Variants in WWOX observed in about 807,000 individuals in gnomAD.
WWOX encodes the protein WW domain containing oxidoreductase.
In WWOX, 69 loss-of-function variants were observed where a neutral mutation model predicts 46.2. That is an observed-to-expected ratio of 1.49 (90% confidence interval 1.23 to 1.82). The LOEUF is 1.82. Among genes scored for constraint, WWOX ranks in the 40% most tolerant of loss-of-function variants. The pLI, the probability that WWOX is intolerant of heterozygous loss-of-function variation, is 0.00. For synonymous variants in WWOX, 359 were observed against 202.6 expected (o/e 1.77, Z -6.56); for missense variants, 919 against 542.6 (o/e 1.69, Z -6.89).
At chr16:78,855,871 A>G (rs894983471) in intron 8 of WWOX, among the ~76,000 whole-genome samples, 1 of 152,168 alleles carries the variant, frequency 6.6e-6, no homozygotes, top group Admixed American at 6.5e-5. Context: ...TCCAGGGAAA[A>G]TTGAGGCCCA....
chr16:78,784,370 A>G (rs1567557454), intron 8 of WWOX, among the ~76,000 whole-genome samples: 2 of 152,128 alleles, frequency 1.3e-5, no homozygotes, highest in Non-Finnish European at 2.9e-5. Context: ...GTATCTGAAG[A>G]CTAAAGAATC....
chr16:78,453,073 G>C (rs2083730717), intron 8 of WWOX, among the ~76,000 whole-genome samples: 1 of 151,904 alleles, frequency 6.6e-6, no homozygotes, highest in Non-Finnish European at 1.5e-5. Flanking sequence ...GTGAAGACGG[G>C]TTTCATCATG....
At chr16:78,720,432 A>G (rs2048662133) in intron 8 of WWOX, among the ~76,000 whole-genome samples, 1 of 150,792 alleles carries the variant, frequency 6.6e-6, no homozygotes, top group Non-Finnish European at 1.5e-5. Flanking sequence ...ACATCATTTT[A>G]TATTTTGAAA....
intron 8 of WWOX, among the ~76,000 whole-genome samples, chr16:78,872,047 C>T (rs934225501): frequency 1.3e-5 from 2 of 152,226 alleles, no homozygotes; most frequent in East Asian, 1.9e-4. Context: ...CACAAAATTT[C>T]TGTCAACCCT....
At chr16:78,928,340 C>A (rs934959609) in intron 8 of WWOX, among the ~76,000 whole-genome samples, 1 of 151,346 alleles carries the variant, frequency 6.6e-6, no homozygotes, top group Non-Finnish European at 1.5e-5. Flanking sequence ...GTAGCTGGGA[C>A]TACAGGCGCC....
rs532253530 is a variant in WWOX, at chr16:78,824,106, A to G, written c.1057-387502A>G. On this transcript the variant is annotated intron_variant, in intron 8 of 8. Transcript: ENST00000566780. ...AGTACTTTATTTTATTTTACTTTTT[A>G]TTGATTGAAACCTTGAAATAAAGTT... is the stretch of plus-strand genomic sequence containing the variant. Among the ~76,000 whole-genome samples the G allele has an allele frequency of 2.6e-5, 4 of 152,160 alleles. No individual in the cohort carries two copies. In the East Asian group the frequency reaches 7.7e-4, roughly 29 times the overall value.
chr16:78,110,082 C>T (rs2032402294), intron 3 of WWOX, among the ~76,000 whole-genome samples: 1 of 151,642 alleles, frequency 6.6e-6, no homozygotes, highest in Non-Finnish European at 1.5e-5. Flanking sequence ...TGGCTCATGC[C>T]TGTAATCCCA....
At chr16:78,310,045 T>TTCC (rs144899432) in intron 5 of WWOX, among the ~76,000 whole-genome samples, 7,214 of 151,998 alleles carry the variant, frequency 0.047, 249 homozygotes, top group Non-Finnish European at 0.071. Context: ...TTATCTTCCC[T>TTCC]TCCTCCTCCT....
chr16:79,163,644 C>A (rs61037887), intron 8 of WWOX, among the ~76,000 whole-genome samples: 6 of 151,866 alleles, frequency 4.0e-5, no homozygotes, highest in South Asian at 2.1e-4. Flanking sequence ...ACTAAACATA[C>A]AAAATTAGCC....
At chr16:78,666,900 A>C (rs1367135471) in intron 8 of WWOX, among the ~76,000 whole-genome samples, 2 of 152,200 alleles carry the variant, frequency 1.3e-5, no homozygotes, top group Non-Finnish European at 2.9e-5. Flanking sequence ...ATAAGTCAGA[A>C]GGCAGCTTCT....
chr16:78,359,329 C>T (rs1346106826), intron 5 of WWOX, among the ~76,000 whole-genome samples: 3 of 152,106 alleles, frequency 2.0e-5, no homozygotes, highest in South Asian at 2.1e-4. Flanking sequence ...TACATAAAAA[C>T]CTCTAAAGCT....
At chr16:78,174,998 G>GTAATTATAA (rs1555548217) in intron 5 of WWOX, among the ~76,000 whole-genome samples, 1 of 140,880 alleles carries the variant, frequency 7.1e-6, no homozygotes, top group African/African-American at 2.6e-5. Flanking sequence ...AAAAATAATA[G>GTAATTATAA]TAATAATAAT....
chr16:78,378,595 T>A (rs952067863), intron 5 of WWOX, among the ~76,000 whole-genome samples: 1 of 152,216 alleles, frequency 6.6e-6, no homozygotes, highest in African/African-American at 2.4e-5. Context: ...GTGAATAATG[T>A]CATGTCAATA....
chr16:78,674,854 G>C (rs938643412), intron 8 of WWOX, among the ~76,000 whole-genome samples: 1 of 149,808 alleles, frequency 6.7e-6, no homozygotes, highest in African/African-American at 2.5e-5. Context: ...GGAAGAAAGA[G>C]CAGATCTGGA....
intron 8 of WWOX, among the ~76,000 whole-genome samples, chr16:79,173,574 C>T (rs995689969): frequency 2.0e-5 from 3 of 151,890 alleles, no homozygotes; most frequent in Non-Finnish European, 2.9e-5. Context: ...TCACAACACT[C>T]ACAGTCAAAG....
chr16:78,859,050 G>GTATATATATA (rs1163926433), intron 8 of WWOX, among the ~76,000 whole-genome samples: 1 of 40,840 alleles, frequency 2.4e-5, no homozygotes, highest in Admixed American at 4.2e-4. Flanking sequence ...ATATATATAT[G>GTATATATATA]TATATATATA....
At chr16:79,153,728 G>A (rs1212610999) in intron 8 of WWOX, among the ~76,000 whole-genome samples, 2 of 152,096 alleles carry the variant, frequency 1.3e-5, no homozygotes, top group African/African-American at 2.4e-5. Context: ...GTTAGTGAAA[G>A]CAACCTTTAG....
chr16:78,892,903 G>A (rs996384521), intron 8 of WWOX, among the ~76,000 whole-genome samples: 14 of 152,182 alleles, frequency 9.2e-5, no homozygotes, highest in African/African-American at 3.4e-4. Flanking sequence ...CAAGTCCTAG[G>A]CTTGGTTACA....
chr16:78,459,590 A>G (rs144649551), intron 8 of WWOX, among the ~76,000 whole-genome samples: 15 of 152,340 alleles, frequency 9.8e-5, no homozygotes, highest in African/African-American at 3.4e-4. Context: ...TCAGGCATCA[A>G]TGGCTTTTTA....
Sources: allele counts gnomAD v4.1 joint callset (sites outside exome capture counted in the v4.1 genomes callset), GRCh38; gene constraint gnomAD v4.1.1; transcripts MANE v1.5; gene names NCBI Gene and HGNC (gene_info 2026-07-23, HGNC 2026-07-21).